The following CBX2 variants were observed in gnomAD, a reference collection of about 807,000 sequenced individuals.
The protein encoded by CBX2 is chromobox 2, also known as chromobox protein homolog 2.
CBX2 carries 11 observed loss-of-function variants against 21.0 expected under a neutral mutation model. The ratio of observed to expected loss-of-function variants is 0.52; its 90% CI spans 0.33 to 0.87. The LOEUF (loss-of-function observed/expected upper bound fraction) is 0.87. CBX2 is among the 40% of genes least tolerant of loss of function. The probability of loss-of-function intolerance (pLI) is 0.02; values close to 1 mark genes in which losing one functional copy is unlikely to be tolerated. For missense variants in CBX2, 746 were observed against 724.3 expected, an observed-to-expected ratio of 1.03 and a Z score of -0.34; for synonymous variants, 364 against 304.6, an observed-to-expected ratio of 1.19 and a Z score of -2.03.
At chr17:79,782,201 G>T in intron 4 of CBX2, 2 of 1,609,718 alleles carry the variant, frequency 1.2e-6, no homozygotes, top group East Asian at 2.2e-5. Flanking sequence ...AGATTTGGGG[G>T]CTACTCCGGG....
chr17:79,781,895 G>A, intron 4 of CBX2, 94 bp downstream of exon 4: 2 of 1,614,186 alleles, frequency 1.2e-6, no homozygotes, highest in Non-Finnish European at 1.7e-6. Context: ...CTCAGGAAGG[G>A]GGTGGCACTT....
chr17:79,778,313 T>C lies in CBX2; in HGVS notation c.72+6T>C. The C allele has an allele frequency of 6.4e-7, 1 of 1,560,136 alleles. No individual in the cohort carries two copies. The highest frequency in any genetic ancestry group is 2.4e-5 in the East Asian group (1 of 42,440). ...TGAGCAAGCGGCTCCGCAAGGTGCG[T>C]GCGGCCCGCCGGGCCCCCCGCCCGC... On this transcript the variant is annotated splice_donor_region_variant and intron_variant, in intron 1 of 4. Transcript: ENST00000310942. This position sits in a 1 kb window ranked among gnomAD's most constrained non-coding sequence, Gnocchi z 4.8.
rs1353432433 is a variant in CBX2 at position 79,785,132 on chromosome 17, A to G, written c.*90A>G. The G allele has an allele frequency of 2.6e-6, 3 of 1,172,910 alleles. No homozygotes were observed. The highest frequency in any genetic ancestry group is 1.7e-5 in the Admixed American group (1 of 57,706). 72.7% of individuals were successfully genotyped at this position (1,172,910 alleles called of 1,614,324 possible). ...GTGACTCCCAGCCCAAGCCCCCTCA[A>G]GAGTCTGGGTCGGGGGAGGAGGAGT... On this transcript the variant is annotated 3_prime_UTR_variant, in exon 5 of 5. Transcript: ENST00000310942.
At position 79,781,789 on chromosome 17, in the gene CBX2, C is replaced by T; in HGVS notation, c.276C>T (p.Arg92=). The T allele has an allele frequency of 6.2e-7, 1 of 1,614,126 alleles. No homozygotes were observed. Among genetic ancestry groups the T allele is most frequent in the Non-Finnish European group, 8.5e-7 (1 of 1,179,990 alleles). ...KLTAMSSCSR[R]SKLKEPDAPS... is the part of the protein sequence containing the mutation. ...CTGCCATGTCCTCCTGCAGCCGGCGCTCCAAGCTCAAGGTGGGTGGCTGCG... is the reference window on the plus strand; with the variant it reads ...CTGCCATGTCCTCCTGCAGCCGGCGTTCCAAGCTCAAGGTGGGTGGCTGCG... The change falls in exon 4 of 5, where the codon CGC becomes CGT. Residue 92 remains arginine, a synonymous_variant. Transcript: ENST00000310942.
Position 79,783,906 on chromosome 17 carries a change from G to A in CBX2, c.463G>A (p.Glu155Lys), listed in dbSNP as rs782290624. The stretch of plus-strand genomic sequence containing the variant: ...GGCCCAGATCCTGGTGGCCAAACCC[G>A]AGCTGAAGGATCCCATCCGGAAGAA... The part of the protein sequence containing the change: ...KKAQILVAKP[E>K]LKDPIRKKRG... The change falls in exon 5 of 5, where the codon GAG becomes AAG. Residue 155 changes from glutamate to lysine, a missense_variant. Coordinates refer to ENST00000310942, the MANE Select transcript of CBX2 (RefSeq NM_005189.3). 3.1e-6 allele frequency: 5 copies of A among 1,614,016 alleles called. No individual in the cohort carries two copies. Among genetic ancestry groups the A allele is most frequent in the African/African-American group, 2.7e-5 (2 of 75,052 alleles).
rs1405423786 is a variant in CBX2 at position 79,778,788 on chromosome 17, TAG to T, written c.116+364_116+365del. Among the ~76,000 whole-genome samples, 20 of 151,904 alleles carry T rather than the reference TAG, an allele frequency of 1.3e-4. No individual in the cohort carries two copies. The highest frequency in any genetic ancestry group is 4.6e-4 in the African/African-American group (19 of 41,346). On this transcript the variant is annotated intron_variant, in intron 2 of 4. Transcript: ENST00000310942. The surrounding 1 kb of genome is among the most constrained non-coding windows in gnomAD (Gnocchi z 4.8). ...AACCTGAGCTTGCTATTGATGGATG[TAG>T]AGTTTCTTTTTTTTTTTCTTTCTTT...
Position 79,785,406 on chromosome 17 carries a change from G to A in CBX2, c.*364G>A, listed in dbSNP as rs1436940603. On this transcript the variant is annotated 3_prime_UTR_variant, in exon 5 of 5. Transcript: ENST00000310942. ...AGTTTGAACTGCTCCTCCCTGGCCT[G>A]CGTGACTGAATCACAGCTTTGGTCC... 3 of 328,742 alleles carry A rather than the reference G, an allele frequency of 9.1e-6. No individual in the cohort carries two copies. The highest frequency in any genetic ancestry group is 2.1e-5 in the African/African-American group (1 of 47,740). The allele number at this position is 328,742 out of a possible 1,614,324, so 20.4% of individuals were successfully genotyped here.
At position 79,778,290 on chromosome 17, in the gene CBX2, A is replaced by T; in HGVS notation, c.55A>T (p.Ser19Cys). 1 of 1,551,292 alleles carries T rather than the reference A, an allele frequency of 6.4e-7. No individual in the cohort carries two copies. Among genetic ancestry groups the T allele is most frequent in the South Asian group, 1.2e-5 (1 of 85,026 alleles). ...EQVFAAECILSKRLRKGKLEY... is the reference protein window; with the variant it reads ...EQVFAAECILCKRLRKGKLEY... ...GGTCTTCGCCGCCGAGTGCATCCTG[A>T]GCAAGCGGCTCCGCAAGGTGCGTGC... Residue 19 changes from serine (S) to cysteine (C), a missense_variant, in exon 1 of 5, where the codon AGC (serine) becomes TGC (cysteine). Transcript: ENST00000310942. The surrounding 1 kb of genome is among the most constrained non-coding windows in gnomAD (Gnocchi z 4.8).
Position 79,781,806 on chromosome 17 carries a change from G to A in CBX2, c.288+5G>A, listed in dbSNP as rs782673399. Reference sequence around the variant, plus strand: ...AGCCGGCGCTCCAAGCTCAAGGTGGGTGGCTGCGCTGGGTATGCTGACCCC... The same window carrying A: ...AGCCGGCGCTCCAAGCTCAAGGTGGATGGCTGCGCTGGGTATGCTGACCCC... On this transcript the variant is annotated splice_donor_5th_base_variant and intron_variant, in intron 4 of 4. Transcript: ENST00000310942. 6.2e-7 allele frequency: 1 copy of A among 1,614,074 alleles called. No homozygotes were observed. Among genetic ancestry groups the A allele is most frequent in the East Asian group, 2.2e-5 (1 of 44,876 alleles).
Position 79,784,925 on chromosome 17 carries a change from G to T in CBX2, c.1482G>T (p.Lys494Asn). 1 of 1,613,324 alleles carries T rather than the reference G, an allele frequency of 6.2e-7. No homozygotes were observed. The stretch of plus-strand genomic sequence containing the variant: ...CCGTTCAGACCAGCCAGGACTGGAA[G>T]CCCACCCGCAGCCTCATCGAGCACG... ...SVSVQTSQDW[K>N]PTRSLIEHVF... The change falls in exon 5 of 5, where the codon AAG becomes AAT. Residue 494 changes from lysine (K) to asparagine (N), a missense_variant. Physicochemically the swap from Lys to Asn is moderately conservative, Grantham distance 94. Coordinates refer to ENST00000310942, the MANE Select transcript of CBX2 (RefSeq NM_005189.3). The surrounding 1 kb of genome is among the most constrained non-coding windows in gnomAD (Gnocchi z 5.9).
rs569776049 is a variant in CBX2, at chr17:79,786,916, C to G, written c.*1874C>G. ...GGGGAGGGACCCATGTCCATGGCTT[C>G]GTTGAGGGCCATCCATATGCCAGCT... is the stretch of plus-strand genomic sequence containing the variant. On this transcript the variant is annotated 3_prime_UTR_variant, in exon 5 of 5. Transcript: ENST00000310942. The G allele has an allele frequency of 6.6e-6, 1 of 152,668 alleles. No individual in the cohort carries two copies. Among genetic ancestry groups the G allele is most frequent in the African/African-American group, 2.4e-5 (1 of 41,456 alleles). The allele number at this position is 152,668 out of a possible 1,614,324, so 9.5% of individuals were successfully genotyped here.
At position 79,778,207 on chromosome 17, in the gene CBX2, C is replaced by T. The variant is rs782165518; in HGVS notation, c.-29C>T. On this transcript the variant is annotated 5_prime_UTR_variant, in exon 1 of 5. Coordinates refer to ENST00000310942, the MANE Select transcript of CBX2 (RefSeq NM_005189.3). The surrounding 1 kb of genome is among the most constrained non-coding windows in gnomAD (Gnocchi z 4.8). ...GTCCGGGCGGGTGACTGGCGGCGGG[C>T]GCCGCGGTCGGGCTGGCTGCCGGGC... The T allele has an allele frequency of 1.2e-5, 16 of 1,292,454 alleles. No homozygotes were observed. The South Asian group carries it at 1.3e-4, about 11-fold the overall frequency. The allele number at this position is 1,292,454 out of a possible 1,614,324, so 80.1% of individuals were successfully genotyped here.
At position 79,783,869 on chromosome 17, in the gene CBX2, G is replaced by A; in HGVS notation, c.426G>A (p.Val142=). The stretch of plus-strand genomic sequence containing the variant: ...CCCGGGGCCGCGAGACCCACCCAGT[G>A]CCGCAGAAGAAGGCCCAGATCCTGG... ...RGPRGRETHP[V]PQKKAQILVA... is the part of the protein sequence containing the mutation. The change falls in exon 5 of 5, where the codon GTG becomes GTA. Residue 142 remains valine (V), a synonymous_variant. Transcript: ENST00000310942. The A allele has an allele frequency of 6.2e-7, 1 of 1,614,022 alleles. No individual in the cohort carries two copies. Among genetic ancestry groups the A allele is most frequent in the South Asian group, 1.1e-5 (1 of 91,084 alleles).
chr17:79,784,821 G>T lies in CBX2; in HGVS notation c.1378G>T (p.Ala460Ser), dbSNP rs201439648. Residue 460 changes from alanine (A) to serine (S), a missense_variant, in exon 5 of 5, where the codon GCA (alanine) becomes TCA (serine). Ala to Ser is a moderately conservative substitution (Grantham distance 99). Around this residue, in one of 2 missense-constraint regions of CBX2, gnomAD observed 701 missense variants for 650.7 expected, o/e 1.08. Transcript: ENST00000310942. The surrounding 1 kb of genome is among the most constrained non-coding windows in gnomAD (Gnocchi z 5.9). Reference sequence around the variant, plus strand: ...GGCGGCCACACTGCCAGAGATGAGCGCAGGTGAGGAGAGTAGCAGCTCGGA... The same window carrying T: ...GGCGGCCACACTGCCAGAGATGAGCTCAGGTGAGGAGAGTAGCAGCTCGGA... Reference protein sequence around the residue: ...RKAATLPEMSAGEESSSSDSD... With the variant: ...RKAATLPEMSSGEESSSSDSD... The T allele has an allele frequency of 9.3e-6, 15 of 1,611,632 alleles. No individual in the cohort carries two copies. The highest frequency in any genetic ancestry group is 3.3e-5 in the Admixed American group (2 of 59,802).
At chr17:79,779,261 GC>G in intron 2 of CBX2, 100 bp from the exon 3 acceptor site, 6 of 1,144,410 alleles carry the variant, frequency 5.2e-6, no homozygotes, top group South Asian at 5.2e-5. Flanking sequence ...ACTGCCATCG[GC>G]CCAAGTCGAG....
chr17:79,785,404 C>A lies in CBX2; in HGVS notation c.*362C>A. The A allele has an allele frequency of 9.0e-6, 3 of 334,182 alleles. No homozygotes were observed. Among genetic ancestry groups the A allele is most frequent in the Non-Finnish European group, 1.1e-5 (2 of 174,284 alleles). The allele number at this position is 334,182 out of a possible 1,614,324, so 20.7% of individuals were successfully genotyped here. ...TGAGTTTGAACTGCTCCTCCCTGGC[C>A]TGCGTGACTGAATCACAGCTTTGGT... On this transcript the variant is annotated 3_prime_UTR_variant, in exon 5 of 5. Coordinates refer to ENST00000310942, the MANE Select transcript of CBX2 (RefSeq NM_005189.3).
chr17:79,778,299 C>T lies in CBX2; in HGVS notation c.64C>T (p.Leu22Phe), dbSNP rs1400334926. The change falls in exon 1 of 5, where the codon CTC (leucine) becomes TTC (phenylalanine). Residue 22 changes from leucine (L) to phenylalanine (F), a missense_variant. This residue lies in a region of CBX2 where 45 missense variants were observed against 73.6 expected (regional missense o/e 0.61). Coordinates refer to ENST00000310942, the MANE Select transcript of CBX2 (RefSeq NM_005189.3). This position sits in a 1 kb window ranked among gnomAD's most constrained non-coding sequence, Gnocchi z 4.8. ...FAAECILSKR[L>F]RKGKLEYLVK... ...CGCCGAGTGCATCCTGAGCAAGCGGCTCCGCAAGGTGCGTGCGGCCCGCCG... is the reference window on the plus strand; with the variant it reads ...CGCCGAGTGCATCCTGAGCAAGCGGTTCCGCAAGGTGCGTGCGGCCCGCCG... 2 of 1,556,266 alleles carry T rather than the reference C, an allele frequency of 1.3e-6. No homozygotes were observed. The highest frequency in any genetic ancestry group is 1.7e-6 in the Non-Finnish European group (2 of 1,157,446).
At position 79,784,422 on chromosome 17, in the gene CBX2, C is replaced by T. The variant is rs1335840529; in HGVS notation, c.979C>T (p.Pro327Ser). The stretch of plus-strand genomic sequence containing the variant: ...GCAGAAAGTGGGGAACACAGGGGGC[C>T]CCCCGCACACCCATGGTGCCAGCAG... Reference protein sequence around the residue: ...VEQKVGNTGGPPHTHGASRVP... With the variant: ...VEQKVGNTGGSPHTHGASRVP... The change falls in exon 5 of 5, where the codon CCC becomes TCC. Residue 327 changes from proline to serine, a missense_variant. Physicochemically the swap from Pro to Ser is moderately conservative, Grantham distance 74. This residue lies in a region of CBX2 where 701 missense variants were observed against 650.7 expected (regional missense o/e 1.08). Coordinates refer to ENST00000310942, the MANE Select transcript of CBX2 (RefSeq NM_005189.3). This position sits in a 1 kb window ranked among gnomAD's most constrained non-coding sequence, Gnocchi z 5.9. 7 of 1,611,778 alleles carry T rather than the reference C, an allele frequency of 4.3e-6. No individual in the cohort carries two copies. The African/African-American group carries it at 8.0e-5, about 18-fold the overall frequency.
In CBX2 at chr17:79,780,638, A is replaced by G. The variant is rs536258325; in HGVS notation, c.183-1058A>G. 7.9e-5 allele frequency among the ~76,000 whole-genome samples: 12 copies of G among 152,196 alleles called. No individual in the cohort carries two copies. In the East Asian group the frequency reaches 1.9e-3, roughly 24 times the overall value. On this transcript the variant is annotated intron_variant, in intron 3 of 4. Transcript: ENST00000310942. ...AAAACCCATGGGTGGCTTGGATGAC[A>G]TCGTGGAAGAAAGAAAACAGAGAAG...
Sources: allele counts gnomAD v4.1 joint callset (sites outside exome capture counted in the v4.1 genomes callset), GRCh38; gene constraint gnomAD v4.1.1; regional missense constraint gnomAD v4.1.1; non-coding constraint Gnocchi (gnomAD v3.1); transcripts MANE v1.5; gene names NCBI Gene and HGNC (gene_info 2026-07-23, HGNC 2026-07-21).